Variants in KIF19 observed in about 807,000 individuals in gnomAD.
The protein encoded by KIF19 is kinesin family member 19.
A neutral mutation model predicts 106.6 loss-of-function variants in KIF19; 98 were observed. That is an observed-to-expected ratio of 0.92 (90% confidence interval 0.78 to 1.09). The LOEUF (loss-of-function observed/expected upper bound fraction) is 1.09. KIF19 is among the 50% of genes least tolerant of loss of function. The pLI is 0.00. For missense variants in KIF19, 1,373 were observed against 1,414.3 expected (o/e 0.97, Z 0.47); for synonymous variants, 516 against 584.2 (o/e 0.88, Z 1.68).
chr17:74,350,216 ACT>A (rs1451590456), intron 10 of KIF19, among the ~76,000 whole-genome samples, 183 bp from the exon 11 acceptor site: 2 of 152,026 alleles, frequency 1.3e-5, no homozygotes, highest in African/African-American at 4.8e-5. Flanking sequence ...CAGCTTGAAG[ACT>A]CAATGTGGGA....
At chr17:74,351,727 G>A (rs538669256) in intron 12 of KIF19, 140 bp from the exon 13 acceptor site, 69 of 999,286 alleles carry the variant, frequency 6.9e-5, no homozygotes, top group Non-Finnish European at 6.5e-5. Flanking sequence ...TAAGGCCCAA[G>A]ATTCAGCTTT....
chr17:74,336,565 C>T (rs902011678), intron 2 of KIF19, among the ~76,000 whole-genome samples: 5 of 152,216 alleles, frequency 3.3e-5, no homozygotes, highest in Admixed American at 2.6e-4. Flanking sequence ...TTCTAAGGCA[C>T]TAGGCATTAG....
intron 2 of KIF19, among the ~76,000 whole-genome samples, chr17:74,333,171 T>C (rs1338222445): frequency 2.0e-5 from 3 of 152,166 alleles, no homozygotes; most frequent in Non-Finnish European, 4.4e-5. Flanking sequence ...TTGGCCCTGG[T>C]TCCCCAAAGA....
chr17:74,332,209 TTTGTGTGTG>T (rs1567897612), intron 2 of KIF19, among the ~76,000 whole-genome samples: 7 of 50,406 alleles, frequency 1.4e-4, no homozygotes, highest in Non-Finnish European at 2.3e-4. Flanking sequence ...TGTGTGTGTG[TTTGTGTGTG>T]TGTGTGTGTG....
At chr17:74,349,635 G>A (rs1164296454) in intron 10 of KIF19, among the ~76,000 whole-genome samples, 2 of 152,218 alleles carry the variant, frequency 1.3e-5, no homozygotes, top group Non-Finnish European at 2.9e-5. Context: ...TGCGCAGGGC[G>A]CACACTAAGG....
chr17:74,343,219 G>C, intron 5 of KIF19, 59 bp downstream of exon 5: 1 of 1,574,716 alleles, frequency 6.4e-7, no homozygotes. Context: ...GCTGGTCACT[G>C]TGCAGCTTCC....
At chr17:74,334,637 C>T (rs2054177979) in intron 2 of KIF19, among the ~76,000 whole-genome samples, 1 of 152,140 alleles carries the variant, frequency 6.6e-6, no homozygotes, top group Non-Finnish European at 1.5e-5. Flanking sequence ...GCTGACAGGC[C>T]CCAGGGACAC....
chr17:74,344,655 C>A, intron 6 of KIF19, 106 bp from the exon 7 acceptor site: 1 of 1,235,726 alleles, frequency 8.1e-7, no homozygotes, highest in Non-Finnish European at 1.1e-6. Context: ...TGCCCTTTCC[C>A]AACTGCTCAG....
At chr17:74,337,340 G>GT (rs1491179383) in intron 2 of KIF19, among the ~76,000 whole-genome samples, 4 of 127,206 alleles carry the variant, frequency 3.1e-5, no homozygotes, top group African/African-American at 1.2e-4. Context: ...TGCTCACGGG[G>GT]TGGGGGGGGT....
In KIF19 at chr17:74,354,310, C is replaced by T. The variant is rs533263057; in HGVS notation, c.2457C>T (p.Asp819=). Residue 819 remains aspartate (D), a synonymous_variant, in exon 18 of 20, where the codon GAC becomes GAT. Coordinates refer to ENST00000389916, the MANE Select transcript of KIF19 (RefSeq NM_153209.4). ...CCCTGCACTCACTGAGCGAGGGCGA[C>T]GATGCGCGGCCACCAGGCCCACTGG... The part of the protein sequence containing the change: ...SLSLHSLSEG[D]DARPPGPLAC... The T allele has an allele frequency of 1.3e-5, 21 of 1,608,132 alleles. No homozygotes were observed. Among genetic ancestry groups the T allele is most frequent in the South Asian group, 8.8e-5 (8 of 90,822 alleles).
Position 74,354,223 on chromosome 17 carries a change from G to C in KIF19, c.2370G>C (p.Ser790=). 6.2e-7 allele frequency: 1 copy of C among 1,609,036 alleles called. No individual in the cohort carries two copies. Among genetic ancestry groups the C allele is most frequent in the Non-Finnish European group, 8.5e-7 (1 of 1,179,524 alleles). ...GGGTGAAGGCCGCCCGGCGGCGCTCGCGGGCCCTGGGAACCGAGGGGCGAC... is the reference window on the plus strand; with the variant it reads ...GGGTGAAGGCCGCCCGGCGGCGCTCCCGGGCCCTGGGAACCGAGGGGCGAC... ...CIWVKAARRR[S]RALGTEGRHL... is the part of the protein sequence containing the mutation. Residue 790 remains serine, a synonymous_variant, in exon 18 of 20, where the codon TCG becomes TCC. Transcript: ENST00000389916.
In KIF19 at chr17:74,351,951, G is replaced by A. The variant is rs1294222349; in HGVS notation, c.1672G>A (p.Glu558Lys). 1 of 1,498,532 alleles carries A rather than the reference G, an allele frequency of 6.7e-7. No individual in the cohort carries two copies. The highest frequency in any genetic ancestry group is 1.4e-5 in the African/African-American group (1 of 69,108). The allele number at this position is 1,498,532 out of a possible 1,614,324, so 92.8% of individuals were successfully genotyped here. The change falls in exon 13 of 20, where the codon GAG (glutamate) becomes AAG (lysine). Residue 558 changes from glutamate (E) to lysine (K), a missense_variant. Coordinates refer to ENST00000389916, the MANE Select transcript of KIF19 (RefSeq NM_153209.4). ...ETLPRRIGSE[E>K]QREVLSLLCR... ...GCTGCCGCGGCGCATCGGCTCCGAG[G>A]AGCAGCGCGAGGTGCTCAGCCTGCT...
chr17:74,326,287 C>G lies in KIF19; in HGVS notation c.-63C>G. 2 of 1,503,346 alleles carry G rather than the reference C, an allele frequency of 1.3e-6. No homozygotes were observed. The highest frequency in any genetic ancestry group is 1.8e-6 in the Non-Finnish European group (2 of 1,110,718). The allele number at this position is 1,503,346 out of a possible 1,614,324, so 93.1% of individuals were successfully genotyped here. On this transcript the variant is annotated 5_prime_UTR_variant, in exon 1 of 20. Coordinates refer to ENST00000389916, the MANE Select transcript of KIF19 (RefSeq NM_153209.4). ...GCAGCTGGCGGACGCGACCCGGAGG[C>G]GGTGGGGGTGCGGCTGAGCCATGCC...
intron 2 of KIF19, among the ~76,000 whole-genome samples, chr17:74,335,952 G>C (rs1254118531): frequency 6.6e-6 from 1 of 152,230 alleles, no homozygotes; most frequent in African/African-American, 2.4e-5. Context: ...CTGTAGCAAA[G>C]TGCCACACAC....
chr17:74,354,156 C>A lies in KIF19; in HGVS notation c.2309-6C>A. 6.2e-7 allele frequency: 1 copy of A among 1,600,418 alleles called. No homozygotes were observed. The highest frequency in any genetic ancestry group is 1.1e-5 in the South Asian group (1 of 89,548). On this transcript the variant is annotated splice_region_variant and splice_polypyrimidine_tract_variant and intron_variant, in intron 17 of 19. Transcript: ENST00000389916. ...CGGGTTGTATGTTCCCCGTGTCCCG[C>A]TGCAGAGAGGAAGGAGATCCTGACT...
Position 74,350,442 on chromosome 17 carries a change from A to C in KIF19, c.1255A>C (p.Met419Leu), listed in dbSNP as rs1338719160. The C allele has an allele frequency of 6.2e-7, 1 of 1,608,786 alleles. No individual in the cohort carries two copies. Among genetic ancestry groups the C allele is most frequent in the Non-Finnish European group, 8.5e-7 (1 of 1,178,458 alleles). ...LHSGQGEKAGMGQLREQLASA... is the reference protein window; with the variant it reads ...LHSGQGEKAGLGQLREQLASA... ...CAGCGGGCAGGGTGAGAAGGCTGGC[A>C]TGGGACAGCTTCGGGAGCAGCTCGC... Residue 419 changes from methionine to leucine, a missense_variant, in exon 11 of 20, where the codon ATG becomes CTG. By Grantham distance (15) the Met-to-Leu change is conservative (BLOSUM62 2). Transcript: ENST00000389916.
chr17:74,336,259 G>T lies in KIF19; in HGVS notation c.121-5617G>T, dbSNP rs190269676. On this transcript the variant is annotated intron_variant, in intron 2 of 19. Transcript: ENST00000389916. Reference sequence around the variant, plus strand: ...AATTCTTGTACTTTTAGTAGAGATGGGATTTCACCATGTTGGCTAGGCTGT... The same window carrying T: ...AATTCTTGTACTTTTAGTAGAGATGTGATTTCACCATGTTGGCTAGGCTGT... Among the ~76,000 whole-genome samples, 20 of 152,200 alleles carry T rather than the reference G, an allele frequency of 1.3e-4. No individual in the cohort carries two copies. The East Asian group carries it at 3.9e-3, about 29-fold the overall frequency.
intron 12 of KIF19, 160 bp downstream of exon 12, chr17:74,351,065 CG>C: frequency 1.5e-6 from 1 of 683,174 alleles, no homozygotes. Context: ...CTTCTCTATG[CG>C]TCACATTCCC....
chr17:74,344,710 C>T (rs1235340564), intron 6 of KIF19, 51 bp from the exon 7 acceptor site: 6 of 1,553,046 alleles, frequency 3.9e-6, no homozygotes, highest in South Asian at 3.5e-5. Flanking sequence ...TCCTCTCTGC[C>T]GGAGCACCTA....
Sources: gnomAD v4.1 joint callset for allele counts (sites outside exome capture counted in the v4.1 genomes callset) on GRCh38, gnomAD v4.1.1 for gene constraint, MANE v1.5 for transcripts, NCBI Gene and HGNC (gene_info 2026-07-23, HGNC 2026-07-21) for gene names.